The following MSANTD3 variants were observed in gnomAD, a reference collection of about 807,000 sequenced individuals.
MSANTD3 encodes myb/SANT-like DNA-binding domain-containing protein 3.
In MSANTD3, 11 loss-of-function variants were observed where a neutral mutation model predicts 27.7. The ratio of observed to expected loss-of-function variants is 0.40; its 90% confidence interval spans 0.25 to 0.66. The LOEUF is 0.66. Ranked by LOEUF, MSANTD3 falls within the 30% of genes least tolerant of loss-of-function variation. MSANTD3 has a pLI of 0.41. For missense variants in MSANTD3, 250 were observed against 336.5 expected (o/e 0.74, Z 2.01); for synonymous variants, 131 against 127.2 (o/e 1.03, Z -0.20).
At chr9:100,434,745 G>A (rs1475744160) in intron 1 of MSANTD3, among the ~76,000 whole-genome samples, 4 of 152,048 alleles carry the variant, frequency 2.6e-5, no homozygotes, top group Non-Finnish European at 5.9e-5. Context: ...CATGCTCAAG[G>A]TGCTTTGTCC....
chr9:100,430,643 A>G (rs1160397477), intron 1 of MSANTD3, among the ~76,000 whole-genome samples: 2 of 152,210 alleles, frequency 1.3e-5, no homozygotes, highest in Non-Finnish European at 2.9e-5. Flanking sequence ...TTGGGAGACC[A>G]TTTTAGAGAT....
rs140970116 is a variant in MSANTD3, at chr9:100,434,970, T to TACAC, written c.-33-6919_-33-6916dup. On this transcript the variant is annotated intron_variant, in intron 1 of 2. Transcript: ENST00000395067. ...ACTTGTTATATATACACACACACCATACACACACACACACACACACGTGCG... is the reference window on the plus strand; with the variant it reads ...ACTTGTTATATATACACACACACCATACACACACACACACACACACACACGTGCG... Among the ~76,000 whole-genome samples the TACAC allele has an allele frequency of 5.5e-3, 830 of 150,314 alleles. 7 individuals carry two copies. Among genetic ancestry groups the TACAC allele is most frequent in the African/African-American group, 0.018 (751 of 40,996 alleles).
At chr9:100,442,924 G>A (rs1333727162) in intron 2 of MSANTD3, among the ~76,000 whole-genome samples, 3 of 151,972 alleles carry the variant, frequency 2.0e-5, no homozygotes, top group Admixed American at 6.6e-5. Flanking sequence ...ATAAGGGACT[G>A]GATTAATGGA....
In MSANTD3 at chr9:100,428,112, C is replaced by A. The variant is rs145811485; in HGVS notation, c.-34+719C>A. 3.9e-5 allele frequency among the ~76,000 whole-genome samples: 6 copies of A among 152,314 alleles called. No individual in the cohort carries two copies. In the East Asian group the frequency reaches 1.2e-3, roughly 29 times the overall value. Reference sequence around the variant, plus strand: ...TCACCCTGGCGCTGTGAGGTAGTTACTGTAAATTGCATGAATAATCTTTAT... The same window carrying A: ...TCACCCTGGCGCTGTGAGGTAGTTAATGTAAATTGCATGAATAATCTTTAT... On this transcript the variant is annotated intron_variant, in intron 1 of 2. Coordinates refer to ENST00000395067, the MANE Select transcript of MSANTD3 (RefSeq NM_080655.3).
At chr9:100,439,676 A>ATTT (rs35738277) in intron 1 of MSANTD3, among the ~76,000 whole-genome samples, 1 of 137,058 alleles carries the variant, frequency 7.3e-6, no homozygotes, top group Non-Finnish European at 1.6e-5. Flanking sequence ...CTCCCAGCTA[A>ATTT]TTTTTTTTTT....
intron 2 of MSANTD3, chr9:100,444,543 G>C (rs562263527): frequency 6.5e-6 from 1 of 152,832 alleles, no homozygotes; most frequent in East Asian, 1.9e-4. Context: ...GGAGTGTGCT[G>C]GGGGAGGGAA....
In MSANTD3 at chr9:100,442,344, G is replaced by T; in HGVS notation, c.406G>T (p.Ala136Ser). The T allele has an allele frequency of 6.2e-7, 1 of 1,611,320 alleles. No individual in the cohort carries two copies. The highest frequency in any genetic ancestry group is 8.5e-7 in the Non-Finnish European group (1 of 1,179,242). ...GGAGGAGCCCGAATACCACCCCGAC[G>T]CCTCAGCCCAAGGTATCCGTTCCTG... Reference protein sequence around the residue: ...PEEEPEYHPDASAQESFAVSN... With the variant: ...PEEEPEYHPDSSAQESFAVSN... Residue 136 changes from alanine to serine, a missense_variant, in exon 2 of 3, where the codon GCC (alanine) becomes TCC (serine). This residue lies in a region of MSANTD3 where 235 missense variants were observed against 299.3 expected (regional missense o/e 0.79). Transcript: ENST00000395067.
intron 2 of MSANTD3, among the ~76,000 whole-genome samples, chr9:100,443,096 G>A (rs1836667858): frequency 6.6e-6 from 1 of 152,070 alleles, no homozygotes; most frequent in Non-Finnish European, 1.5e-5. Context: ...CCACTCAAAA[G>A]GCCATATTAA....
At chr9:100,448,829 C>T in intron 2 of MSANTD3, 1 of 985,282 alleles carries the variant, frequency 1.0e-6, no homozygotes, top group Non-Finnish European at 1.2e-6. Flanking sequence ...CTGGATGGCA[C>T]CGAAGTACTT....
chr9:100,430,524 T>C (rs1836350287), intron 1 of MSANTD3, among the ~76,000 whole-genome samples: 1 of 152,014 alleles, frequency 6.6e-6, no homozygotes, highest in Non-Finnish European at 1.5e-5. Context: ...GTTGGGACTT[T>C]TATCGTTTAG....
Position 100,440,028 on chromosome 9 carries a change from G to T in MSANTD3, c.-33-1878G>T, listed in dbSNP as rs185294417. The stretch of plus-strand genomic sequence containing the variant: ...GCTACATTTTTGCCGTAACATATTT[G>T]AGAGGTTAATTTTATAGGAAGCTTT... On this transcript the variant is annotated intron_variant, in intron 1 of 2. Transcript: ENST00000395067. 2.6e-5 allele frequency among the ~76,000 whole-genome samples: 4 copies of T among 152,262 alleles called. No homozygotes were observed. In the East Asian group the frequency reaches 5.8e-4, roughly 22 times the overall value.
intron 1 of MSANTD3, among the ~76,000 whole-genome samples, chr9:100,431,763 A>G (rs1836382445): frequency 1.3e-5 from 2 of 152,168 alleles, no homozygotes; most frequent in Admixed American, 1.3e-4. Context: ...TGAGTGCTGC[A>G]AGAGGTAAAT....
intron 1 of MSANTD3, among the ~76,000 whole-genome samples, chr9:100,437,593 C>T (rs191237658): frequency 3.9e-5 from 6 of 152,306 alleles, no homozygotes; most frequent in Admixed American, 2.6e-4. Context: ...TATAGCCAGG[C>T]AGAATGCAAC....
chr9:100,437,915 AC>A (rs1836512439), intron 1 of MSANTD3, among the ~76,000 whole-genome samples: 1 of 152,198 alleles, frequency 6.6e-6, no homozygotes, highest in Non-Finnish European at 1.5e-5. Context: ...AACATTTGTT[AC>A]GCCTACAGTA....
At chr9:100,444,580 A>G (rs1836708175) in intron 2 of MSANTD3, 1 of 152,512 alleles carries the variant, frequency 6.6e-6, no homozygotes, top group African/African-American at 2.4e-5. Context: ...GCTGCTCTTT[A>G]CATTGCTTAT....
chr9:100,444,676 A>G (rs1836710031), intron 2 of MSANTD3: 7 of 153,482 alleles, frequency 4.6e-5, no homozygotes, highest in Admixed American at 2.6e-4. Context: ...ATTATTGTGT[A>G]TTGAATACAT....
rs1036508721 is a variant in MSANTD3 at position 100,427,250 on chromosome 9, G to GCGCCGCCGCCGCCGCCGC, written c.-172_-155dup. On this transcript the variant is annotated 5_prime_UTR_variant, in exon 1 of 3. Transcript: ENST00000395067. ...CGGCGGGGCCTGGCCGGCCGGGGGC[G>GCGCCGCCGCCGCCGCCGC]CGCCGCCGCCGCCGCCGCCGCCCGG... 6 of 145,470 alleles carry GCGCCGCCGCCGCCGCCGC rather than the reference G, an allele frequency of 4.1e-5. No homozygotes were observed. The highest frequency in any genetic ancestry group is 1.5e-4 in the African/African-American group (6 of 40,664). The allele number at this position is 145,470 out of a possible 1,614,324, so 9.0% of individuals were successfully genotyped here.
At chr9:100,430,626 T>C (rs897187623) in intron 1 of MSANTD3, among the ~76,000 whole-genome samples, 2 of 152,146 alleles carry the variant, frequency 1.3e-5, no homozygotes, top group African/African-American at 4.8e-5. Context: ...GAAGAGGGTA[T>C]GGAAGTTTGG....
intron 2 of MSANTD3, chr9:100,449,123 A>G: frequency 1.0e-6 from 1 of 985,384 alleles, no homozygotes; most frequent in Non-Finnish European, 1.2e-6. Context: ...TCGTTATTGG[A>G]AATGTAAAGC....
Sources: allele counts gnomAD v4.1 joint callset (sites outside exome capture counted in the v4.1 genomes callset), GRCh38; gene constraint gnomAD v4.1.1; regional missense constraint gnomAD v4.1.1; transcripts MANE v1.5; gene names NCBI Gene and HGNC (gene_info 2026-07-23, HGNC 2026-07-21).